The following ARFGEF1 variants were observed in gnomAD, a reference collection of about 807,000 sequenced individuals.
ARFGEF1 encodes the protein brefeldin A-inhibited guanine nucleotide-exchange protein 1.
ARFGEF1 carries 42 observed loss-of-function variants against 231.0 expected under a neutral mutation model. That is an observed-to-expected ratio of 0.18 (90% CI 0.14 to 0.24). The LOEUF (loss-of-function observed/expected upper bound fraction) is 0.24, where lower values mean the gene tolerates loss of function less well. Among genes scored for constraint, ARFGEF1 ranks in the 10% least tolerant of loss-of-function variants. The pLI is 1.00. For missense variants in ARFGEF1, 1,345 were observed against 2,192.0 expected, an observed-to-expected ratio of 0.61 and a Z score of 7.72; for synonymous variants, 710 against 732.3, an observed-to-expected ratio of 0.97 and a Z score of 0.49.
intron 14 of ARFGEF1, among the ~76,000 whole-genome samples, chr8:67,265,006 G>C (rs970275983): frequency 2.6e-5 from 4 of 152,106 alleles, no homozygotes; most frequent in Non-Finnish European, 5.9e-5. Context: ...ATGCATATTT[G>C]TTTACACACA....
chr8:67,317,602 T>G (rs1462569905), intron 1 of ARFGEF1, among the ~76,000 whole-genome samples: 1 of 132,846 alleles, frequency 7.5e-6, no homozygotes, highest in Admixed American at 7.8e-5. Flanking sequence ...GACACAGAAC[T>G]AATATTTAAA....
intron 19 of ARFGEF1, 107 bp downstream of exon 19, chr8:67,251,192 T>C (rs1256193974): frequency 9.4e-7 from 1 of 1,061,542 alleles, no homozygotes; most frequent in Non-Finnish European, 1.3e-6. Context: ...TCAATATGTC[T>C]ACACTAATGT....
chr8:67,233,861 T>C (rs1351669594), intron 22 of ARFGEF1, among the ~76,000 whole-genome samples: 2 of 152,036 alleles, frequency 1.3e-5, no homozygotes, highest in African/African-American at 4.8e-5. Flanking sequence ...CAAGACTCAA[T>C]TTGGGTTCTC....
At chr8:67,189,881 G>A (rs1435411346) in intron 5 of ARFGEF1, among the ~76,000 whole-genome samples, 2 of 152,084 alleles carry the variant, frequency 1.3e-5, no homozygotes, top group Admixed American at 6.5e-5. Flanking sequence ...TACCGTAGAT[G>A]TTGTAGGCTA....
intron 14 of ARFGEF1, 23 bp from the exon 15 acceptor site, chr8:67,259,949 A>G (rs756069885): frequency 1.0e-5 from 15 of 1,500,932 alleles, no homozygotes; most frequent in East Asian, 2.3e-5. Flanking sequence ...AAATAAGAAC[A>G]TTAAAAATAG....
intron 1 of ARFGEF1, among the ~76,000 whole-genome samples, chr8:67,342,403 T>C (rs1371353885): frequency 2.6e-5 from 4 of 152,200 alleles, no homozygotes; most frequent in Admixed American, 6.5e-5. Flanking sequence ...GCTGCCACTG[T>C]CCAGACATGT....
At chr8:67,181,162 C>G (rs1226623265) in intron 5 of ARFGEF1, among the ~76,000 whole-genome samples, 1 of 151,830 alleles carries the variant, frequency 6.6e-6, no homozygotes, top group Admixed American at 6.6e-5. Flanking sequence ...CTCAGCCTCC[C>G]CAGTAGCTGG....
chr8:67,252,044 C>T (rs1049960522), intron 18 of ARFGEF1, among the ~76,000 whole-genome samples: 4 of 151,894 alleles, frequency 2.6e-5, no homozygotes, highest in East Asian at 1.9e-4. Context: ...CCAAGGCAGG[C>T]GGATCACCTG....
At position 67,271,930 on chromosome 8, in the gene ARFGEF1, A is replaced by G. The variant is rs1437409015; in HGVS notation, c.1344T>C (p.His448=). 2 of 1,602,994 alleles carry G rather than the reference A, an allele frequency of 1.2e-6. No individual in the cohort carries two copies. The highest frequency in any genetic ancestry group is 1.7e-6 in the Non-Finnish European group (2 of 1,174,066). The change falls in exon 10 of 39, where the codon CAT becomes CAC. Residue 448 remains histidine (H), a synonymous_variant. Coordinates refer to ENST00000262215, the MANE Select transcript of ARFGEF1 (RefSeq NM_006421.5). Reference sequence around the variant, plus strand: ...ATGAAAGAATCTTGGATCGTAGTTCATGAGACCTAAAATGTAAAAAAGAAG... The same window carrying G: ...ATGAAAGAATCTTGGATCGTAGTTCGTGAGACCTAAAATGTAAAAAAGAAG... The part of the protein sequence containing the change: ...LSDGPPDPKS[H]ELRSKILSLQ...
chr8:67,202,977 G>A, intron 36 of ARFGEF1, 106 bp downstream of exon 36: 1 of 1,173,008 alleles, frequency 8.5e-7, no homozygotes, highest in Non-Finnish European at 1.2e-6. Context: ...TACATATAGT[G>A]ACATGCACAG....
chr8:67,252,339 C>T (rs1437346557), intron 18 of ARFGEF1, among the ~76,000 whole-genome samples: 2 of 146,394 alleles, frequency 1.4e-5, no homozygotes, highest in Admixed American at 6.8e-5. Context: ...ACCACATAGG[C>T]TTGAATGACT....
Position 67,251,171 on chromosome 8 carries a change from T to A in ARFGEF1, c.2850+128A>T, listed in dbSNP as rs1037094114. On this transcript the variant is annotated intron_variant, in intron 19 of 38. Transcript: ENST00000262215. ...ACTATGTCCTAAATAACATGTTATA[T>A]GAATTTCACCTCAATATGTCTACAC... 2.6e-5 allele frequency: 23 copies of A among 870,882 alleles called. No individual in the cohort carries two copies. In the African/African-American group the frequency reaches 3.6e-4, roughly 14 times the overall value. The allele number at this position is 870,882 out of a possible 1,614,324, so 53.9% of individuals were successfully genotyped here.
At chr8:67,286,111 T>C (rs1463538396) in intron 7 of ARFGEF1, among the ~76,000 whole-genome samples, 1 of 152,218 alleles carries the variant, frequency 6.6e-6, no homozygotes, top group Non-Finnish European at 1.5e-5. Flanking sequence ...GCTTATTGTA[T>C]GAGAATGCTC....
At chr8:67,249,213 T>C (rs973992230) in intron 19 of ARFGEF1, among the ~76,000 whole-genome samples, 5 of 150,462 alleles carry the variant, frequency 3.3e-5, no homozygotes, top group African/African-American at 1.2e-4. Flanking sequence ...CTTTACAATA[T>C]ATTCATACAA....
At chr8:67,302,578 T>C (rs763298889) in intron 1 of ARFGEF1, 112 bp from the exon 2 acceptor site, 290 of 684,480 alleles carry the variant, frequency 4.2e-4, no homozygotes, top group Non-Finnish European at 6.2e-4. Context: ...TTGGAAAGAA[T>C]GCAAATTTAA....
intron 34 of ARFGEF1, 141 bp from the exon 35 acceptor site, chr8:67,204,960 C>T: frequency 1.0e-6 from 1 of 969,926 alleles, no homozygotes; most frequent in African/African-American, 1.6e-5. Context: ...CTTTTGCACA[C>T]AGGCACTACT....
intron 30 of ARFGEF1, among the ~76,000 whole-genome samples, chr8:67,218,966 A>C (rs1839052806): frequency 6.6e-6 from 1 of 152,124 alleles, no homozygotes; most frequent in African/African-American, 2.4e-5. Flanking sequence ...TCTATCCCCC[A>C]CACAGTGTTC....
intron 29 of ARFGEF1, among the ~76,000 whole-genome samples, chr8:67,224,242 T>C (rs1458165226): frequency 1.3e-5 from 2 of 152,096 alleles, no homozygotes; most frequent in Non-Finnish European, 1.5e-5. Flanking sequence ...GTTTAGAGGT[T>C]GACAGATATT....
chr8:67,282,312 T>C (rs1270344934), intron 7 of ARFGEF1, among the ~76,000 whole-genome samples: 2 of 152,088 alleles, frequency 1.3e-5, no homozygotes, highest in African/African-American at 4.8e-5. Flanking sequence ...TCAAATTAAT[T>C]GAGAAATGAT....
Sources: gnomAD v4.1 joint callset for allele counts (sites outside exome capture counted in the v4.1 genomes callset) on GRCh38, gnomAD v4.1.1 for gene constraint, MANE v1.5 for transcripts, NCBI Gene and HGNC (gene_info 2026-07-23, HGNC 2026-07-21) for gene names.